DLGAP2: variants seen among roughly 807,000 people sequenced by gnomAD.
The protein encoded by DLGAP2 is disks large-associated protein 2.
In DLGAP2, 26 loss-of-function variants were observed where a neutral mutation model predicts 100.3. The ratio of observed to expected loss-of-function variants is 0.26; its 90% confidence interval spans 0.19 to 0.36. The LOEUF (loss-of-function observed/expected upper bound fraction) is 0.36, where lower values mean the gene tolerates loss of function less well. DLGAP2 is among the 10% of genes least tolerant of loss of function. The pLI is 1.00. For missense variants in DLGAP2, 1,858 were observed against 1,453.2 expected (o/e 1.28, Z -4.53); for synonymous variants, 886 against 630.1 (o/e 1.41, Z -6.08).
chr8:963,353 G>A (rs959503136), intron 2 of DLGAP2, among the ~76,000 whole-genome samples: 5 of 152,130 alleles, frequency 3.3e-5, no homozygotes, highest in Admixed American at 6.5e-5. Flanking sequence ...TGGAGTGGAC[G>A]TATTTTGGAA....
At chr8:1,465,750 A>G (rs554204611) in intron 3 of DLGAP2, among the ~76,000 whole-genome samples, 2 of 152,312 alleles carry the variant, frequency 1.3e-5, no homozygotes, top group East Asian at 3.9e-4. Context: ...CTAGCAGACC[A>G]AGGGTGGAAA....
intron 3 of DLGAP2, among the ~76,000 whole-genome samples, chr8:1,288,909 T>C (rs1232973191): frequency 6.6e-6 from 1 of 152,192 alleles, no homozygotes. Flanking sequence ...CGGCTTGTTT[T>C]GTAGAAAATT....
intron 8 of DLGAP2, among the ~76,000 whole-genome samples, chr8:1,641,936 G>C (rs1409906301): frequency 0.015 from 1,269 of 85,780 alleles, 13 homozygotes; most frequent in African/African-American, 0.046. Flanking sequence ...TGTCACCCTC[G>C]ACCCCGCCGG....
intron 2 of DLGAP2, among the ~76,000 whole-genome samples, chr8:1,118,048 G>T (rs1795935902): frequency 1.3e-5 from 2 of 152,182 alleles, no homozygotes; most frequent in South Asian, 2.1e-4. Flanking sequence ...AGATTCATTT[G>T]GTCTTAAGTG....
chr8:1,679,903 C>A (rs1314849330), intron 12 of DLGAP2, among the ~76,000 whole-genome samples: 1 of 140,622 alleles, frequency 7.1e-6, no homozygotes, highest in Non-Finnish European at 1.5e-5. Flanking sequence ...TCACTTGAAC[C>A]TGGGAGGCAG....
intron 1 of DLGAP2, among the ~76,000 whole-genome samples, chr8:818,954 G>A (rs936160375): frequency 2.0e-5 from 3 of 152,118 alleles, no homozygotes; most frequent in Non-Finnish European, 2.9e-5. Flanking sequence ...AATTTTCATA[G>A]ATGTCTTTTT....
chr8:1,202,198 C>T (rs1797892612), intron 2 of DLGAP2, among the ~76,000 whole-genome samples: 1 of 151,210 alleles, frequency 6.6e-6, no homozygotes. Flanking sequence ...TGTGATGTAT[C>T]TGTTGGTGTA....
At chr8:851,442 A>G (rs1212953155) in intron 1 of DLGAP2, among the ~76,000 whole-genome samples, 1 of 152,170 alleles carries the variant, frequency 6.6e-6, no homozygotes, top group Admixed American at 6.5e-5. Flanking sequence ...GGGTGCTGCT[A>G]TTTCCCTGCT....
At chr8:1,160,832 G>A (rs1480810957) in intron 2 of DLGAP2, among the ~76,000 whole-genome samples, 2 of 152,318 alleles carry the variant, frequency 1.3e-5, no homozygotes, top group Non-Finnish European at 2.9e-5. Context: ...ACCAGCACGC[G>A]ATTCCGCCTC....
chr8:1,599,926 G>A (rs117634420), intron 6 of DLGAP2, among the ~76,000 whole-genome samples: 51 of 152,172 alleles, frequency 3.4e-4, no homozygotes, highest in African/African-American at 8.0e-4. Flanking sequence ...GATGCTAGCC[G>A]GTTATTTTGC....
intron 2 of DLGAP2, among the ~76,000 whole-genome samples, chr8:1,106,563 A>G (rs1430910380): frequency 6.7e-6 from 1 of 149,004 alleles, no homozygotes; most frequent in East Asian, 2.0e-4. Context: ...AGGGTTTTCT[A>G]CTGAAGGGGG....
intron 3 of DLGAP2, among the ~76,000 whole-genome samples, chr8:1,426,580 G>C (rs1797241478): frequency 6.6e-6 from 1 of 152,174 alleles, no homozygotes; most frequent in East Asian, 1.9e-4. Flanking sequence ...CTGTTGCCTG[G>C]AAGGAAAAAT....
intron 3 of DLGAP2, among the ~76,000 whole-genome samples, chr8:1,416,793 G>A (rs895221166): frequency 2.6e-5 from 4 of 152,180 alleles, no homozygotes; most frequent in African/African-American, 7.2e-5. Context: ...AATGTGGCTC[G>A]CGAGCACCCG....
intron 3 of DLGAP2, among the ~76,000 whole-genome samples, chr8:1,297,521 C>T (rs531662383): frequency 8.2e-4 from 117 of 143,166 alleles, no homozygotes; most frequent in Middle Eastern, 4.0e-3. Context: ...TGAACAGACA[C>T]CACGTGAGAC....
intron 3 of DLGAP2, among the ~76,000 whole-genome samples, chr8:1,407,400 G>C (rs1177811497): frequency 1.7e-5 from 2 of 117,906 alleles, no homozygotes; most frequent in South Asian, 3.4e-4. Context: ...TGTATTGAGT[G>C]CTTACTGAGC....
chr8:1,552,360 G>A (rs190437252), intron 5 of DLGAP2, among the ~76,000 whole-genome samples: 3 of 152,144 alleles, frequency 2.0e-5, no homozygotes, highest in Admixed American at 6.5e-5. Context: ...CCACCTCTTC[G>A]GGGCATGCAG....
At chr8:1,641,092 G>A (rs1278122451) in intron 8 of DLGAP2, among the ~76,000 whole-genome samples, 1 of 152,130 alleles carries the variant, frequency 6.6e-6, no homozygotes, top group Admixed American at 6.5e-5. Context: ...TAGGACAGGA[G>A]CCCCTGGTCT....
intron 13 of DLGAP2, among the ~76,000 whole-genome samples, chr8:1,695,096 C>T (rs572090025): frequency 3.9e-5 from 6 of 152,306 alleles, no homozygotes; most frequent in South Asian, 2.1e-4. Flanking sequence ...CCACAGTGGC[C>T]GGCCATGTTC....
chr8:780,091 C>G (rs978719512), intron 1 of DLGAP2, among the ~76,000 whole-genome samples: 5 of 152,184 alleles, frequency 3.3e-5, no homozygotes, highest in Admixed American at 2.0e-4. Context: ...GCAGTGATCA[C>G]TAAGCCTTAG....
Sources: gnomAD v4.1 joint callset for allele counts (sites outside exome capture counted in the v4.1 genomes callset) on GRCh38, gnomAD v4.1.1 for gene constraint, MANE v1.5 for transcripts, NCBI Gene and HGNC (gene_info 2026-07-23, HGNC 2026-07-21) for gene names.